Variants in LMTK2 observed in about 807,000 individuals in gnomAD.
LMTK2 encodes the protein lemur tail kinase 2.
LMTK2 carries 37 observed loss-of-function variants against 127.5 expected under a neutral mutation model. The ratio of observed to expected loss-of-function variants is 0.29; its 90% CI spans 0.22 to 0.38. LMTK2 has a LOEUF of 0.38. Among genes scored for constraint, LMTK2 ranks in the 10% least tolerant of loss-of-function variants. The pLI is 1.00. For missense variants in LMTK2, 1,694 were observed against 1,920.3 expected (o/e 0.88, Z 2.20); for synonymous variants, 819 against 810.1 (o/e 1.01, Z -0.19).
intron 1 of LMTK2, among the ~76,000 whole-genome samples, chr7:98,109,942 C>A: frequency 6.6e-6 from 1 of 152,072 alleles, no homozygotes; most frequent in African/African-American, 2.4e-5. Context: ...AGAGGAATCC[C>A]GCTTGACCAT....
At chr7:98,152,472 C>G (rs1296176603) in intron 4 of LMTK2, among the ~76,000 whole-genome samples, 5 of 152,224 alleles carry the variant, frequency 3.3e-5, no homozygotes, top group Non-Finnish European at 5.9e-5. Flanking sequence ...TTCAGCAAAA[C>G]CTGTTACGTA....
rs1455579436 is a variant in LMTK2, at chr7:98,205,996, A to G, written c.*504A>G. On this transcript the variant is annotated 3_prime_UTR_variant, in exon 14 of 14. Coordinates refer to ENST00000297293, the MANE Select transcript of LMTK2 (RefSeq NM_014916.4). ...TTGCACTGTGGATAAATGTTCCGAG[A>G]GTCTCCATTGTTGTACAGGATCTTC... The G allele has an allele frequency of 1.9e-5, 3 of 156,152 alleles. No individual in the cohort carries two copies. The highest frequency in any genetic ancestry group is 7.2e-5 in the African/African-American group (3 of 41,534). 9.7% of individuals were successfully genotyped at this position (156,152 alleles called of 1,614,324 possible).
At chr7:98,188,086 A>G (rs972788903) in intron 9 of LMTK2, among the ~76,000 whole-genome samples, 1 of 152,218 alleles carries the variant, frequency 6.6e-6, no homozygotes, top group African/African-American at 2.4e-5. Context: ...GCTTTAGAAC[A>G]CTAGATCTTA....
intron 7 of LMTK2, among the ~76,000 whole-genome samples, chr7:98,176,788 A>G (rs1406554242): frequency 1.3e-5 from 2 of 152,240 alleles, no homozygotes; most frequent in African/African-American, 4.8e-5. Context: ...CAGAGGTTGC[A>G]GTGAGCTGAG....
chr7:98,147,746 T>A (rs188255108), intron 3 of LMTK2, among the ~76,000 whole-genome samples: 5 of 152,350 alleles, frequency 3.3e-5, no homozygotes, highest in Non-Finnish European at 1.5e-5. Context: ...TCACTGATTC[T>A]GTCTGCCCAA....
At chr7:98,201,973 C>G (rs539355437) in intron 11 of LMTK2, among the ~76,000 whole-genome samples, 1 of 152,308 alleles carries the variant, frequency 6.6e-6, no homozygotes, top group East Asian at 1.9e-4. Context: ...TTGTATCTTT[C>G]ACCAAATTTA....
In LMTK2 at chr7:98,194,344, C is replaced by T. The variant is rs2116469830; in HGVS notation, c.3879C>T (p.Asp1293=). The T allele has an allele frequency of 1.2e-6, 2 of 1,614,146 alleles. No individual in the cohort carries two copies. Among genetic ancestry groups the T allele is most frequent in the Non-Finnish European group, 1.7e-6 (2 of 1,180,012 alleles). The change falls in exon 11 of 14, where the codon GAC becomes GAT. Residue 1293 remains aspartate (D), a synonymous_variant. Coordinates refer to ENST00000297293, the MANE Select transcript of LMTK2 (RefSeq NM_014916.4). This position sits in a 1 kb window ranked among gnomAD's most constrained non-coding sequence, Gnocchi z 5.4. ...DADEEDENSD[D]SDEDLRAFNL... ...ACGAGGAGGACGAAAACAGCGACGACTCGGACGAGGACCTGCGGGCCTTCA... is the reference window on the plus strand; with the variant it reads ...ACGAGGAGGACGAAAACAGCGACGATTCGGACGAGGACCTGCGGGCCTTCA...
At chr7:98,131,427 A>G (rs1207661750) in intron 1 of LMTK2, among the ~76,000 whole-genome samples, 1 of 151,828 alleles carries the variant, frequency 6.6e-6, no homozygotes, top group African/African-American at 2.4e-5. Flanking sequence ...AGTGTTTTTC[A>G]CAGCCTGTGT....
chr7:98,205,362 C>A, intron 13 of LMTK2, 102 bp from the exon 14 acceptor site: 2 of 1,424,294 alleles, frequency 1.4e-6, no homozygotes, highest in Non-Finnish European at 2.0e-6. Flanking sequence ...TCAAAACACC[C>A]GCTTCCGTTC....
chr7:98,141,839 G>T (rs1440959502), intron 3 of LMTK2, among the ~76,000 whole-genome samples: 1 of 152,224 alleles, frequency 6.6e-6, no homozygotes, highest in African/African-American at 2.4e-5. Context: ...TTCTCTGCTA[G>T]TTCTGGCCAC....
rs142096376 is a variant in LMTK2 at position 98,191,864 on chromosome 7, G to A, written c.1399G>A (p.Glu467Lys). Residue 467 changes from glutamate (E) to lysine (K), a missense_variant, in exon 11 of 14, where the codon GAA (glutamate) becomes AAA (lysine). This residue lies in a region of LMTK2 where 216 missense variants were observed against 266.8 expected (regional missense o/e 0.81). Coordinates refer to ENST00000297293, the MANE Select transcript of LMTK2 (RefSeq NM_014916.4). ...REMEEVLTVT[E>K]TSQGLSFEYV... ...AATGGAGGAAGTCCTCACCGTGACC[G>A]AAACCAGCCAGGGCCTGAGCTTCGA... The A allele has an allele frequency of 2.5e-6, 4 of 1,614,068 alleles. No homozygotes were observed. The highest frequency in any genetic ancestry group is 2.2e-5 in the East Asian group (1 of 44,888).
chr7:98,138,741 T>C (rs190377361), intron 2 of LMTK2, among the ~76,000 whole-genome samples: 12 of 152,328 alleles, frequency 7.9e-5, no homozygotes, highest in African/African-American at 2.9e-4. Flanking sequence ...GATACTGAAA[T>C]CCAGTCTCCA....
chr7:98,146,739 C>T (rs1436928454), intron 3 of LMTK2, among the ~76,000 whole-genome samples: 1 of 152,018 alleles, frequency 6.6e-6, no homozygotes, highest in Non-Finnish European at 1.5e-5. Flanking sequence ...TTTTTTAATG[C>T]ATTCGTATTT....
At chr7:98,117,359 G>A (rs184792634) in intron 1 of LMTK2, among the ~76,000 whole-genome samples, 68 of 152,174 alleles carry the variant, frequency 4.5e-4, no homozygotes, top group African/African-American at 1.6e-3. Context: ...GGGCCCATGC[G>A]ATCCTCTGTT....
intron 7 of LMTK2, among the ~76,000 whole-genome samples, chr7:98,172,183 G>A (rs893369278): frequency 2.0e-5 from 3 of 152,220 alleles, no homozygotes; most frequent in South Asian, 2.1e-4. Context: ...CATGGGATCC[G>A]ATCTGATGAG....
rs566218587 is a variant in LMTK2, at chr7:98,120,427, AAGG to A, written c.103+13153_103+13155del. On this transcript the variant is annotated intron_variant, in intron 1 of 13. Coordinates refer to ENST00000297293, the MANE Select transcript of LMTK2 (RefSeq NM_014916.4). ...CAAGACATCTTGGACTTAGAAGATA[AAGG>A]AGGAGAAGTTTGCAATCATTTTGCA... 6.6e-3 allele frequency among the ~76,000 whole-genome samples: 1,000 copies of A among 152,316 alleles called. 8 individuals are homozygous for A. Among genetic ancestry groups the A allele is most frequent in the Admixed American group, 9.1e-3 (139 of 15,292 alleles).
intron 7 of LMTK2, among the ~76,000 whole-genome samples, chr7:98,176,914 G>A (rs1044702849): frequency 4.6e-5 from 7 of 152,224 alleles, no homozygotes; most frequent in African/African-American, 1.7e-4. Flanking sequence ...TTAAGTGGTA[G>A]TGCTGGTTTT....
rs1255403800 is a variant in LMTK2 at position 98,194,016 on chromosome 7, A to G, written c.3551A>G (p.Gln1184Arg). The change falls in exon 11 of 14, where the codon CAG becomes CGG. Residue 1184 changes from glutamine to arginine, a missense_variant. Gln to Arg is a conservative substitution (Grantham distance 43). Around this residue, in one of 8 missense-constraint regions of LMTK2, gnomAD observed 554 missense variants for 567.7 expected, o/e 0.98. Coordinates refer to ENST00000297293, the MANE Select transcript of LMTK2 (RefSeq NM_014916.4). The surrounding 1 kb of genome is among the most constrained non-coding windows in gnomAD (Gnocchi z 5.4). ...TTAAGAGCCACGCCGGAGCCAGCAC[A>G]GACTGGTGTTCCCCAGCAGGTGCAT... is the stretch of plus-strand genomic sequence containing the variant. ...LELRATPEPA[Q>R]TGVPQQVHPT... 1 of 1,614,174 alleles carries G rather than the reference A, an allele frequency of 6.2e-7. No homozygotes were observed. Among genetic ancestry groups the G allele is most frequent in the Admixed American group, 1.7e-5 (1 of 60,032 alleles).
chr7:98,185,157 T>G, intron 8 of LMTK2, 22 bp downstream of exon 8: 1 of 1,518,074 alleles, frequency 6.6e-7, no homozygotes, highest in Non-Finnish European at 9.1e-7. Flanking sequence ...GTTTAAATGT[T>G]TTCAGTCTGA....
Sources: gnomAD v4.1 joint callset for allele counts (sites outside exome capture counted in the v4.1 genomes callset) on GRCh38, gnomAD v4.1.1 for gene constraint, gnomAD v4.1.1 regional missense constraint, Gnocchi (gnomAD v3.1) non-coding constraint, MANE v1.5 for transcripts, NCBI Gene and HGNC (gene_info 2026-07-23, HGNC 2026-07-21) for gene names.